The following GLIS3 variants were observed in gnomAD, a reference collection of about 807,000 sequenced individuals.
GLIS3 encodes zinc finger protein GLIS3.
In GLIS3, 53 loss-of-function variants were observed where a neutral mutation model predicts 78.6. The ratio of observed to expected loss-of-function variants is 0.67; its 90% CI spans 0.54 to 0.85. The LOEUF is 0.85. Among genes scored for constraint, GLIS3 ranks in the 40% least tolerant of loss-of-function variants. GLIS3 has a pLI of 0.00. For synonymous variants in GLIS3, 684 were observed against 509.9 expected (o/e 1.34, Z -4.60); for missense variants, 1,703 against 1,231.1 (o/e 1.38, Z -5.74).
chr9:4,278,332 C>T (rs959490438), intron 2 of GLIS3, among the ~76,000 whole-genome samples: 1 of 152,188 alleles, frequency 6.6e-6, no homozygotes, highest in Non-Finnish European at 1.5e-5. Context: ...ACTTGAGCTT[C>T]TTGGGAAAAT....
the GLIS3 span, among the ~76,000 whole-genome samples, chr9:4,379,902 G>T: frequency 6.6e-6 from 1 of 152,076 alleles, no homozygotes; most frequent in African/African-American, 2.4e-5. Flanking sequence ...ATCTGTATGT[G>T]TTTTAGCATA....
intron 4 of GLIS3, among the ~76,000 whole-genome samples, chr9:3,966,197 C>T (rs757699443): frequency 2.3e-4 from 35 of 152,294 alleles, no homozygotes; most frequent in Admixed American, 4.6e-4. Context: ...ATACTGAATG[C>T]TCACTATATA....
At chr9:4,346,195 A>C (rs889674452) in intron 2 of GLIS3, among the ~76,000 whole-genome samples, 2 of 152,238 alleles carry the variant, frequency 1.3e-5, no homozygotes, top group African/African-American at 4.8e-5. Flanking sequence ...GAGGTTTTAC[A>C]GACCTCATTC....
At position 4,117,861 on chromosome 9, in the gene GLIS3, G is replaced by A. The variant is rs756792178; in HGVS notation, c.1617C>T (p.Ala539=). The A allele has an allele frequency of 7.4e-6, 12 of 1,614,080 alleles. 1 individual carries two copies. Among genetic ancestry groups the A allele is most frequent in the Middle Eastern group, 3.3e-4 (2 of 6,062 alleles). The change falls in exon 4 of 11, where the codon GCC becomes GCT. Residue 539 remains alanine (A), a synonymous_variant. Transcript: ENST00000381971. ...AGGGCTTGTATCTTCGAGGGCAACC[G>A]GCCCAGAAGCAAGTGAAGTCCTCCC... ...RKGEDFTCFW[A]GCPRRYKPFN... is the part of the protein sequence containing the mutation.
the GLIS3 span, among the ~76,000 whole-genome samples, chr9:4,399,948 T>C: frequency 1.3e-5 from 2 of 152,036 alleles, no homozygotes; most frequent in Non-Finnish European, 2.9e-5. Flanking sequence ...CAATACAGCA[T>C]GGTTGGAGCA....
chr9:4,405,308 C>T, the GLIS3 span, among the ~76,000 whole-genome samples: 46 of 150,648 alleles, frequency 3.1e-4, no homozygotes, highest in African/African-American at 9.5e-4. Context: ...GAGTCGAGAT[C>T]GTGCCATTGC....
intron 9 of GLIS3, among the ~76,000 whole-genome samples, chr9:3,851,917 C>T (rs1485056653): frequency 6.6e-6 from 1 of 152,008 alleles, no homozygotes; most frequent in Non-Finnish European, 1.5e-5. Context: ...CCAAGGTGGG[C>T]AGATTGCCTG....
intron 4 of GLIS3, among the ~76,000 whole-genome samples, chr9:4,085,940 C>T (rs1226548781): frequency 6.6e-6 from 1 of 152,172 alleles, no homozygotes; most frequent in African/African-American, 2.4e-5. Context: ...TCATAAATTA[C>T]CCAGTCCTGG....
At chr9:4,475,305 T>C in the GLIS3 span, among the ~76,000 whole-genome samples, 3 of 152,188 alleles carry the variant, frequency 2.0e-5, no homozygotes, top group African/African-American at 7.2e-5. Flanking sequence ...GAACAGATGC[T>C]TCACAGAAGA....
At chr9:3,918,029 T>A (rs1190007384) in intron 6 of GLIS3, among the ~76,000 whole-genome samples, 1 of 152,202 alleles carries the variant, frequency 6.6e-6, no homozygotes, top group East Asian at 1.9e-4. Context: ...AATCATGAGA[T>A]AACTGATGGC....
intron 2 of GLIS3, among the ~76,000 whole-genome samples, chr9:4,224,335 C>G (rs1047353636): frequency 2.0e-5 from 3 of 152,194 alleles, no homozygotes; most frequent in African/African-American, 7.2e-5. Flanking sequence ...CAAACTGTGA[C>G]TATTTCAATG....
rs1400615159 is a variant in GLIS3 at position 4,285,982 on chromosome 9, A to G, written c.388+56T>C. ...ATAGGATTTGCTGGCAGAAAATGGGATGGGGGAGAAAAAAATCGTTTCCAT... is the reference window on the plus strand; with the variant it reads ...ATAGGATTTGCTGGCAGAAAATGGGGTGGGGGAGAAAAAAATCGTTTCCAT... On this transcript the variant is annotated intron_variant, in intron 2 of 10. Coordinates refer to ENST00000381971, the MANE Select transcript of GLIS3 (RefSeq NM_001042413.2). 2.5e-6 allele frequency: 4 copies of G among 1,601,948 alleles called. No homozygotes were observed. In the African/African-American group the frequency reaches 5.4e-5, roughly 21 times the overall value.
At chr9:4,419,483 T>C in the GLIS3 span, among the ~76,000 whole-genome samples, 5 of 152,064 alleles carry the variant, frequency 3.3e-5, no homozygotes, top group African/African-American at 4.8e-5. Flanking sequence ...AGGGAGGTGC[T>C]ACATACTTTA....
At chr9:4,189,460 T>C (rs1192654948) in intron 2 of GLIS3, among the ~76,000 whole-genome samples, 3 of 152,126 alleles carry the variant, frequency 2.0e-5, no homozygotes, top group Non-Finnish European at 4.4e-5. Flanking sequence ...CTGAAAAAAA[T>C]GTATATTCTG....
the GLIS3 span, among the ~76,000 whole-genome samples, chr9:4,371,696 T>C: frequency 6.6e-6 from 1 of 152,130 alleles, no homozygotes; most frequent in Non-Finnish European, 1.5e-5. Flanking sequence ...CACTACTCCA[T>C]TGTGGCAAAA....
At chr9:3,839,740 C>T (rs570247587) in intron 9 of GLIS3, among the ~76,000 whole-genome samples, 5 of 152,152 alleles carry the variant, frequency 3.3e-5, no homozygotes, top group South Asian at 4.1e-4. Context: ...AATTTAAATA[C>T]AATCTTGCCA....
intron 2 of GLIS3, among the ~76,000 whole-genome samples, chr9:4,251,387 T>C (rs978532638): frequency 3.9e-5 from 6 of 152,170 alleles, no homozygotes; most frequent in African/African-American, 1.4e-4. Flanking sequence ...TTTTGATCTT[T>C]GTTGGTTTAA....
the GLIS3 span, among the ~76,000 whole-genome samples, chr9:4,379,627 T>C: frequency 6.6e-6 from 1 of 152,254 alleles, no homozygotes; most frequent in African/African-American, 2.4e-5. Context: ...TGTTTTCTGC[T>C]GTTTCAGTGG....
intron 9 of GLIS3, 135 bp from the exon 10 acceptor site, chr9:3,829,627 T>G (rs950740195): frequency 7.2e-6 from 6 of 837,892 alleles, no homozygotes; most frequent in African/African-American, 1.7e-5. Flanking sequence ...ACCTGTAGAA[T>G]CTTCCAAGCA....
Sources: allele counts gnomAD v4.1 joint callset (sites outside exome capture counted in the v4.1 genomes callset), GRCh38; gene constraint gnomAD v4.1.1; transcripts MANE v1.5; gene names NCBI Gene and HGNC (gene_info 2026-07-23, HGNC 2026-07-21).